Variants in WNT3A observed in about 807,000 individuals in gnomAD.
WNT3A encodes the protein Wnt family member 3A.
Under a neutral mutation model 37.0 loss-of-function variants are expected in WNT3A, and 17 were observed. The observed-to-expected ratio is 0.46, with a 90% CI of 0.31 to 0.69. The LOEUF is 0.69. WNT3A is among the 30% of genes least tolerant of loss of function. The pLI is 0.05. For synonymous variants in WNT3A, 187 were observed against 211.0 expected (o/e 0.89, Z 0.99); for missense variants, 411 against 510.2 (o/e 0.81, Z 1.87).
chr1:228,040,048 C>T (rs905785787), intron 2 of WNT3A, among the ~76,000 whole-genome samples: 7 of 152,310 alleles, frequency 4.6e-5, no homozygotes, highest in Admixed American at 4.6e-4. Context: ...CACAGATAGG[C>T]ATGTCCCCCT....
rs967735092 is a variant in WNT3A at position 228,007,792 on chromosome 1, G to C, written c.71+593G>C. ...CCGCGCGCCTCCCCGCCGCAGTCCG[G>C]GCACGGGGGTTTCCAGGGGCCCTCT... On this transcript the variant is annotated intron_variant, in intron 1 of 3. Transcript: ENST00000284523. This position sits in a 1 kb window ranked among gnomAD's most constrained non-coding sequence, Gnocchi z 6.0. 1.3e-5 allele frequency among the ~76,000 whole-genome samples: 2 copies of C among 151,982 alleles called. No homozygotes were observed. Among genetic ancestry groups the C allele is most frequent in the Non-Finnish European group, 2.9e-5 (2 of 67,986 alleles).
At chr1:228,045,563 T>C (rs1243338949) in intron 2 of WNT3A, among the ~76,000 whole-genome samples, 2 of 152,126 alleles carry the variant, frequency 1.3e-5, no homozygotes, top group Non-Finnish European at 2.9e-5. Flanking sequence ...GCCTGGAGGC[T>C]TAGAGAGGAA....
chr1:228,053,007 G>A (rs1223396166), intron 3 of WNT3A, among the ~76,000 whole-genome samples: 2 of 152,122 alleles, frequency 1.3e-5, no homozygotes, highest in Non-Finnish European at 1.5e-5. Flanking sequence ...CTCATAAAGG[G>A]ACCAATGCTG....
intron 2 of WNT3A, among the ~76,000 whole-genome samples, chr1:228,027,582 A>T (rs554628373): frequency 1.3e-5 from 2 of 152,264 alleles, no homozygotes; most frequent in Admixed American, 1.3e-4. Context: ...TTATTTTGAG[A>T]ATGTCCATTC....
chr1:228,051,527 A>G (rs913718851), intron 3 of WNT3A, among the ~76,000 whole-genome samples: 1 of 152,162 alleles, frequency 6.6e-6, no homozygotes, highest in African/African-American at 2.4e-5. Context: ...GGAGTTTAGT[A>G]CTCACAGTTC....
At chr1:228,056,355 A>T (rs1417413181) in intron 3 of WNT3A, among the ~76,000 whole-genome samples, 1 of 152,354 alleles carries the variant, frequency 6.6e-6, no homozygotes, top group South Asian at 2.1e-4. Context: ...TCGAAAGATG[A>T]TCATTAATAT....
intron 2 of WNT3A, among the ~76,000 whole-genome samples, chr1:228,034,225 A>G (rs2031083615): frequency 6.6e-6 from 1 of 152,070 alleles, no homozygotes; most frequent in African/African-American, 2.4e-5. Flanking sequence ...TCACACCACT[A>G]CACTCCAGCC....
intron 1 of WNT3A, among the ~76,000 whole-genome samples, chr1:228,010,618 G>A (rs915959637): frequency 6.6e-6 from 1 of 152,164 alleles, no homozygotes; most frequent in Non-Finnish European, 1.5e-5. Flanking sequence ...CCTTCTGCCC[G>A]GCCGTCACCA....
intron 2 of WNT3A, among the ~76,000 whole-genome samples, chr1:228,048,863 C>T (rs2031484194): frequency 1.3e-5 from 2 of 152,108 alleles, no homozygotes; most frequent in South Asian, 4.2e-4. Context: ...GGGTCCTGGC[C>T]TCTGCAAAGC....
chr1:228,035,054 C>A (rs1341557277), intron 2 of WNT3A, among the ~76,000 whole-genome samples: 2 of 152,176 alleles, frequency 1.3e-5, no homozygotes, highest in Non-Finnish European at 2.9e-5. Flanking sequence ...CTCTGCCACA[C>A]AGCATATGCT....
At chr1:228,048,058 A>T (rs936771508) in intron 2 of WNT3A, among the ~76,000 whole-genome samples, 2 of 152,162 alleles carry the variant, frequency 1.3e-5, no homozygotes, top group Non-Finnish European at 2.9e-5. Flanking sequence ...ACAGCCCCCT[A>T]TGATGACTCT....
Position 228,018,590 on chromosome 1 carries a change from C to T in WNT3A, c.72-4077C>T, listed in dbSNP as rs187345967. 7.9e-5 allele frequency among the ~76,000 whole-genome samples: 12 copies of T among 152,258 alleles called. 1 individual carries two copies. In the East Asian group the frequency reaches 2.1e-3, roughly 27 times the overall value. ...GTATTTTTGTAGAGATGGGGTCTTG[C>T]TCTGTTGCCCAGATTGGTCTTGAAC... is the stretch of plus-strand genomic sequence containing the variant. On this transcript the variant is annotated intron_variant, in intron 1 of 3. Transcript: ENST00000284523.
intron 2 of WNT3A, among the ~76,000 whole-genome samples, chr1:228,043,099 C>T (rs991165189): frequency 7.9e-5 from 12 of 151,994 alleles, no homozygotes; most frequent in African/African-American, 2.2e-4. Flanking sequence ...GATGAATGAA[C>T]GAAAGGAAGG....
chr1:228,053,306 C>G (rs549716015), intron 3 of WNT3A, among the ~76,000 whole-genome samples: 7 of 152,228 alleles, frequency 4.6e-5, no homozygotes. Flanking sequence ...ATAACCCTGG[C>G]TTGCTACCTC....
intron 3 of WNT3A, among the ~76,000 whole-genome samples, chr1:228,054,545 G>A (rs924456130): frequency 2.0e-5 from 3 of 148,176 alleles, no homozygotes; most frequent in Non-Finnish European, 4.5e-5. Flanking sequence ...GGAGAATGGC[G>A]TGAACCCAGG....
Position 228,050,914 on chromosome 1 carries a change from G to A in WNT3A, c.572G>A (p.Gly191Glu). The change falls in exon 3 of 4, where the codon GGG becomes GAG. Residue 191 changes from glycine (G) to glutamate (E), a missense_variant. Coordinates refer to ENST00000284523, the MANE Select transcript of WNT3A (RefSeq NM_033131.4). This position sits in a 1 kb window ranked among gnomAD's most constrained non-coding sequence, Gnocchi z 5.0. ...ATGAACCGCCACAACAACGAGGCTG[G>A]GCGCCAGGTAGGTTCGCCGCCCGCA... ...SAMNRHNNEA[G>E]RQAIASHMHL... 1 of 1,538,900 alleles carries A rather than the reference G, an allele frequency of 6.5e-7. No individual in the cohort carries two copies. Among genetic ancestry groups the A allele is most frequent in the South Asian group, 1.2e-5 (1 of 81,452 alleles).
rs1160703589 is a variant in WNT3A, at chr1:228,039,517, T to C, written c.314-11139T>C. Among the ~76,000 whole-genome samples, 2 of 152,222 alleles carry C rather than the reference T, an allele frequency of 1.3e-5. No homozygotes were observed. The highest frequency in any genetic ancestry group is 1.3e-4 in the Admixed American group (2 of 15,290). On this transcript the variant is annotated intron_variant, in intron 2 of 3. Transcript: ENST00000284523. The surrounding 1 kb of genome is among the most constrained non-coding windows in gnomAD (Gnocchi z 4.1). ...CTCCTGTTCAGGGTCTTGTCCAGGG[T>C]CCCATAGAGCCCTTACAAAGTCATG...
Position 228,008,128 on chromosome 1 carries a change from G to C in WNT3A, c.71+929G>C, listed in dbSNP as rs1007370359. On this transcript the variant is annotated intron_variant, in intron 1 of 3. Transcript: ENST00000284523. The surrounding 1 kb of genome is among the most constrained non-coding windows in gnomAD (Gnocchi z 4.9). Reference sequence around the variant, plus strand: ...TGTGATCCCTCAGAGCCCTCACCAAGCAAGGATCACCCCAGTTCCGAATTA... The same window carrying C: ...TGTGATCCCTCAGAGCCCTCACCAACCAAGGATCACCCCAGTTCCGAATTA... Among the ~76,000 whole-genome samples the C allele has an allele frequency of 6.6e-6, 1 of 152,168 alleles. No homozygotes were observed. The highest frequency in any genetic ancestry group is 2.4e-5 in the African/African-American group (1 of 41,446).
intron 2 of WNT3A, among the ~76,000 whole-genome samples, chr1:228,025,587 G>C (rs753015310): frequency 6.6e-6 from 1 of 152,120 alleles, no homozygotes; most frequent in Non-Finnish European, 1.5e-5. Flanking sequence ...GGGCTCAAGC[G>C]ATCCACCTGC....
Sources: allele counts gnomAD v4.1 joint callset (sites outside exome capture counted in the v4.1 genomes callset), GRCh38; gene constraint gnomAD v4.1.1; non-coding constraint Gnocchi (gnomAD v3.1); transcripts MANE v1.5; gene names NCBI Gene and HGNC (gene_info 2026-07-23, HGNC 2026-07-21).